The following KIF26B variants were observed in gnomAD, a reference collection of about 807,000 sequenced individuals.
The protein encoded by KIF26B is kinesin family member 26B.
In KIF26B, 63 loss-of-function variants were observed where a neutral mutation model predicts 151.2. The observed-to-expected ratio is 0.42, with a 90% CI of 0.34 to 0.51. KIF26B has a LOEUF of 0.51. KIF26B is among the 20% of genes least tolerant of loss of function. The probability of loss-of-function intolerance (pLI) is 0.07; values close to 1 mark genes in which losing one functional copy is unlikely to be tolerated. For synonymous variants in KIF26B, 1,357 were observed against 1,262.1 expected (o/e 1.08, Z -1.59); for missense variants, 2,813 against 2,913.6 (o/e 0.97, Z 0.79).
rs909755138 is a variant in KIF26B, at chr1:245,704,774, C to T, written c.*2168C>T. The T allele has an allele frequency of 2.6e-5, 4 of 152,278 alleles. No individual in the cohort carries two copies. Among genetic ancestry groups the T allele is most frequent in the African/African-American group, 9.7e-5 (4 of 41,446 alleles). 9.4% of individuals were successfully genotyped at this position (152,278 alleles called of 1,614,324 possible). The stretch of plus-strand genomic sequence containing the variant: ...AGTGGGCTTGCTTAACAGTAATATC[C>T]TTGGAGGCTTCTGGACCCAAAGGGA... On this transcript the variant is annotated 3_prime_UTR_variant, in exon 15 of 15. Transcript: ENST00000407071.
intron 2 of KIF26B, among the ~76,000 whole-genome samples, chr1:245,305,753 A>G (rs1322828363): frequency 2.0e-5 from 3 of 152,074 alleles, no homozygotes; most frequent in Non-Finnish European, 4.4e-5. Flanking sequence ...CCTGGCTAAC[A>G]TGGTGAAACC....
chr1:245,284,150 A>C (rs968607300), intron 2 of KIF26B, among the ~76,000 whole-genome samples: 2 of 152,182 alleles, frequency 1.3e-5, no homozygotes, highest in Non-Finnish European at 2.9e-5. Context: ...ATATTTAAAT[A>C]ATGTATTGCT....
At chr1:245,475,771 G>A (rs1446996510) in intron 4 of KIF26B, among the ~76,000 whole-genome samples, 2 of 151,844 alleles carry the variant, frequency 1.3e-5, no homozygotes, top group Non-Finnish European at 2.9e-5. Context: ...GCATTGGTGA[G>A]GATGTGGAGA....
intron 2 of KIF26B, among the ~76,000 whole-genome samples, chr1:245,215,419 TCTCTGAGACCAGGGAGGCCACAG>T (rs916292627): frequency 2.6e-5 from 4 of 152,068 alleles, no homozygotes; most frequent in Non-Finnish European, 4.4e-5. Context: ...TGAACAGGCC[TCTCTGAGACCAGGGAGGCCACAG>T]CTCTGAGACA....
chr1:245,536,132 A>G (rs1661483998), intron 4 of KIF26B, among the ~76,000 whole-genome samples: 1 of 152,128 alleles, frequency 6.6e-6, no homozygotes, highest in African/African-American at 2.4e-5. Flanking sequence ...TCAGGATTTA[A>G]CTGCCTTGAG....
At chr1:245,231,324 G>T (rs1481105811) in intron 2 of KIF26B, among the ~76,000 whole-genome samples, 1 of 152,202 alleles carries the variant, frequency 6.6e-6, no homozygotes, top group East Asian at 1.9e-4. Context: ...AGACCAGCCT[G>T]GCCAACATGG....
intron 5 of KIF26B, among the ~76,000 whole-genome samples, chr1:245,565,293 G>GT (rs148766403): frequency 0.26 from 38,183 of 147,326 alleles, 5,098 homozygotes; most frequent in Admixed American, 0.28. Context: ...GGGTTTTTTT[G>GT]TTTTTTTTAT....
rs28595667 is a variant in KIF26B, at chr1:245,606,779, T to C, written c.1558-872T>C. ...AAGGCAGGTTTTGAAAAGAGGAGCA[T>C]GGGACGGGCGCAGTGGCTCACGCCT... On this transcript the variant is annotated intron_variant, in intron 6 of 14. Coordinates refer to ENST00000407071, the MANE Select transcript of KIF26B (RefSeq NM_018012.4). This position sits in a 1 kb window ranked among gnomAD's most constrained non-coding sequence, Gnocchi z 4.6. 6.6e-6 allele frequency among the ~76,000 whole-genome samples: 1 copy of C among 152,122 alleles called. No individual in the cohort carries two copies. The highest frequency in any genetic ancestry group is 1.5e-5 in the Non-Finnish European group (1 of 68,026).
At chr1:245,590,914 GA>G (rs10599314) in intron 5 of KIF26B, among the ~76,000 whole-genome samples, 25,064 of 91,388 alleles carry the variant, frequency 0.27, 2,628 homozygotes, top group East Asian at 0.46. Flanking sequence ...TCAAAAAAAA[GA>G]AAAAAAAAAA....
chr1:245,231,964 C>A (rs188910876), intron 2 of KIF26B, among the ~76,000 whole-genome samples: 1 of 152,272 alleles, frequency 6.6e-6, no homozygotes, highest in East Asian at 1.9e-4. Context: ...CAACTCCTTC[C>A]TAAAGAATAT....
chr1:245,415,471 A>G (rs541059197), intron 3 of KIF26B, among the ~76,000 whole-genome samples: 1 of 152,258 alleles, frequency 6.6e-6, no homozygotes, highest in Admixed American at 6.5e-5. Flanking sequence ...CACCTTGGTA[A>G]GAAGTTATCC....
intron 2 of KIF26B, among the ~76,000 whole-genome samples, chr1:245,266,393 T>C (rs917760942): frequency 6.6e-6 from 1 of 152,220 alleles, no homozygotes; most frequent in Non-Finnish European, 1.5e-5. Context: ...TTACCTCTAT[T>C]ACCACACAGT....
chr1:245,298,447 A>G (rs1369209270), intron 2 of KIF26B, among the ~76,000 whole-genome samples: 1 of 152,234 alleles, frequency 6.6e-6, no homozygotes, highest in African/African-American at 2.4e-5. Flanking sequence ...CTCATGTGAC[A>G]GGCAAAATCA....
At position 245,408,543 on chromosome 1, in the gene KIF26B, C is replaced by T. The variant is rs141248375; in HGVS notation, c.1000-11036C>T. Among the ~76,000 whole-genome samples, 490 of 152,036 alleles carry T rather than the reference C, an allele frequency of 3.2e-3. 10 individuals carry two copies. In the East Asian group the frequency reaches 0.038, roughly 12 times the overall value. On this transcript the variant is annotated intron_variant, in intron 3 of 14. Transcript: ENST00000407071. ...CTAATTTTTGTATTTTTAGTAGAGA[C>T]GGGGTTTCACCATATTGGTCAGGCT... is the stretch of plus-strand genomic sequence containing the variant.
chr1:245,551,690 G>A (rs537384601), intron 5 of KIF26B, among the ~76,000 whole-genome samples: 1 of 152,322 alleles, frequency 6.6e-6, no homozygotes, highest in East Asian at 1.9e-4. Context: ...GTGTGGCCAG[G>A]AATGGATGCC....
At chr1:245,525,397 T>C (rs1332668853) in intron 4 of KIF26B, among the ~76,000 whole-genome samples, 1 of 152,220 alleles carries the variant, frequency 6.6e-6, no homozygotes, top group Non-Finnish European at 1.5e-5. Context: ...TTGTTATTAG[T>C]GATTTGTTGG....
intron 2 of KIF26B, among the ~76,000 whole-genome samples, chr1:245,207,633 A>G (rs1669433490): frequency 2.0e-5 from 3 of 152,168 alleles, no homozygotes. Flanking sequence ...CCCGGAAGAA[A>G]CATGATAGAA....
intron 3 of KIF26B, among the ~76,000 whole-genome samples, chr1:245,418,159 G>T (rs113528291): frequency 1.3e-5 from 2 of 152,144 alleles, no homozygotes; most frequent in African/African-American, 4.8e-5. Context: ...GCCCTGTTCC[G>T]CGGGGACAAT....
chr1:245,352,567 C>G lies in KIF26B; in HGVS notation c.466-14267C>G, dbSNP rs527933485. Among the ~76,000 whole-genome samples, 3 of 152,356 alleles carry G rather than the reference C, an allele frequency of 2.0e-5. No individual in the cohort carries two copies. The highest frequency in any genetic ancestry group is 7.2e-5 in the African/African-American group (3 of 41,590). ...GCGTGAACCACTGTGCCTGGCCCAC[C>G]TACTTCCAGTTTAAAGTCACCTGGG... On this transcript the variant is annotated intron_variant, in intron 2 of 14. Transcript: ENST00000407071. The surrounding 1 kb of genome is among the most constrained non-coding windows in gnomAD (Gnocchi z 5.0).
Sources: gnomAD v4.1 joint callset for allele counts (sites outside exome capture counted in the v4.1 genomes callset) on GRCh38, gnomAD v4.1.1 for gene constraint, Gnocchi (gnomAD v3.1) non-coding constraint, MANE v1.5 for transcripts, NCBI Gene and HGNC (gene_info 2026-07-23, HGNC 2026-07-21) for gene names.